The following FBLN7 variants were observed in gnomAD, a reference collection of about 807,000 sequenced individuals.
FBLN7 encodes the protein fibulin 7.
FBLN7 carries 31 observed loss-of-function variants against 44.0 expected under a neutral mutation model. That is an observed-to-expected ratio of 0.70 (90% CI 0.53 to 0.95). The LOEUF is 0.95. Among genes scored for constraint, FBLN7 ranks in the 40% least tolerant of loss-of-function variants. The probability of loss-of-function intolerance (pLI) is 0.00; values close to 1 mark genes in which losing one functional copy is unlikely to be tolerated. For synonymous variants in FBLN7, 262 were observed against 253.4 expected (o/e 1.03, Z -0.32); for missense variants, 573 against 618.5 (o/e 0.93, Z 0.78).
At chr2:112,171,108 C>T (rs1009817829) in intron 3 of FBLN7, among the ~76,000 whole-genome samples, 20 of 152,236 alleles carry the variant, frequency 1.3e-4, no homozygotes, top group African/African-American at 4.8e-4. Flanking sequence ...AATGGCTGTG[C>T]GACAGACACC....
intron 3 of FBLN7, 41 bp from the exon 4 acceptor site, chr2:112,175,673 G>A (rs2104592064): frequency 1.2e-6 from 2 of 1,610,832 alleles, no homozygotes; most frequent in East Asian, 2.2e-5. Flanking sequence ...TTTAGACCTA[G>A]AACTCACATC....
intron 2 of FBLN7, among the ~76,000 whole-genome samples, chr2:112,160,823 A>C (rs7422190): frequency 2.3e-5 from 3 of 132,338 alleles, no homozygotes; most frequent in South Asian, 2.5e-4. Context: ...CGCACACACA[A>C]GCACGCATAC....
chr2:112,209,177 A>C, the FBLN7 span, among the ~76,000 whole-genome samples: 2 of 152,222 alleles, frequency 1.3e-5, no homozygotes, highest in Non-Finnish European at 2.9e-5. Flanking sequence ...TTAACTGCCA[A>C]ATGTCACACA....
intron 1 of FBLN7, among the ~76,000 whole-genome samples, chr2:112,144,744 C>T (rs1680826712): frequency 2.0e-5 from 3 of 152,066 alleles, no homozygotes; most frequent in Admixed American, 2.0e-4. Flanking sequence ...CCAGGATGGT[C>T]TCTATCTCTT....
chr2:112,152,296 C>T (rs927064281), intron 1 of FBLN7: 5 of 152,320 alleles, frequency 3.3e-5, no homozygotes, highest in Non-Finnish European at 7.3e-5. Flanking sequence ...TCATGGGTTC[C>T]TGTGTGAAGT....
At chr2:112,190,959 G>C (rs1683468238), downstream of FBLN7, among the ~76,000 whole-genome samples, 1 of 152,098 alleles carries the variant, frequency 6.6e-6, no homozygotes. Context: ...CAGGACTACT[G>C]TGGGTTTTTT....
chr2:112,229,645 A>G, the FBLN7 span, among the ~76,000 whole-genome samples: 1 of 152,220 alleles, frequency 6.6e-6, no homozygotes, highest in East Asian at 1.9e-4. Context: ...AGGCCAGATG[A>G]GATCAGCCAA....
intron 6 of FBLN7, among the ~76,000 whole-genome samples, chr2:112,184,285 G>C (rs879028373): frequency 6.6e-6 from 1 of 152,298 alleles, no homozygotes; most frequent in South Asian, 2.1e-4. Flanking sequence ...GAGAAGAGAG[G>C]GCAGAGGGCT....
intron 2 of FBLN7, among the ~76,000 whole-genome samples, chr2:112,160,214 T>C (rs1169072513): frequency 1.3e-5 from 2 of 152,214 alleles, no homozygotes; most frequent in South Asian, 4.1e-4. Flanking sequence ...ATGGTCTCGA[T>C]CTCCTGACCT....
Position 112,185,335 on chromosome 2 carries a change from C to G in FBLN7, c.943C>G (p.Pro315Ala). The G allele has an allele frequency of 1.2e-6, 2 of 1,613,074 alleles. No homozygotes were observed. The highest frequency in any genetic ancestry group is 2.7e-5 in the African/African-American group (2 of 75,016). ...SGNVSYVKTSPFQCERNPCPM... is the reference protein window; with the variant it reads ...SGNVSYVKTSAFQCERNPCPM... ...CAATGTGAGCTACGTGAAGACGTCT[C>G]CATTGTGAGTATCTCCAGGGGAGGC... Residue 315 changes from proline to alanine, a missense_variant, in exon 7 of 8, where the codon CCA becomes GCA. Pro to Ala is a conservative substitution (Grantham distance 27). Transcript: ENST00000331203.
intron 3 of FBLN7, among the ~76,000 whole-genome samples, 162 bp from the exon 4 acceptor site, chr2:112,175,552 A>G (rs1388146368): frequency 1.3e-5 from 2 of 152,216 alleles, no homozygotes; most frequent in Non-Finnish European, 2.9e-5. Flanking sequence ...GCCCCCTGGC[A>G]GCTCTTGCGG....
At chr2:112,228,023 GCTTC>G in the FBLN7 span, among the ~76,000 whole-genome samples, 2 of 152,178 alleles carry the variant, frequency 1.3e-5, no homozygotes, top group Non-Finnish European at 1.5e-5. Flanking sequence ...GACAGCTTAC[GCTTC>G]CTTATTTCAA....
intron 4 of FBLN7, chr2:112,176,751 C>G (rs2104593839): frequency 6.6e-6 from 1 of 152,344 alleles, no homozygotes; most frequent in East Asian, 1.9e-4. Flanking sequence ...CAGCTCCTGT[C>G]CCTGGAACTG....
rs1399786837 is a variant in FBLN7, at chr2:112,181,766, A to C, written c.560A>C (p.Asp187Ala). The change falls in exon 5 of 8, where the codon GAC becomes GCC. Residue 187 changes from aspartate (D) to alanine (A), a missense_variant. By Grantham distance (126) the Asp-to-Ala change is moderately radical (BLOSUM62 -2). Coordinates refer to ENST00000331203, the MANE Select transcript of FBLN7 (RefSeq NM_153214.3). ...GCCCCCGAGGGCAGCGTGGCCGGCG[A>C]CTCCGCCTTCAGCCGCGCGCCGCGC... ...TAAPEGSVAG[D>A]SAFSRAPRCA... 7.1e-7 allele frequency: 1 copy of C among 1,416,434 alleles called. No individual in the cohort carries two copies. Among genetic ancestry groups the C allele is most frequent in the African/African-American group, 1.5e-5 (1 of 66,486 alleles). 87.7% of individuals were successfully genotyped at this position (1,416,434 alleles called of 1,614,324 possible). A position where few individuals can be genotyped will look rare whatever the true frequency, so the allele number is the denominator to read the frequency against.
At chr2:112,205,994 T>A in the FBLN7 span, among the ~76,000 whole-genome samples, 1 of 152,152 alleles carries the variant, frequency 6.6e-6, no homozygotes, top group African/African-American at 2.4e-5. Flanking sequence ...AGTGAAAATA[T>A]CTGAACCTGG....
At chr2:112,149,832 TA>T (rs1681066955) in intron 1 of FBLN7, among the ~76,000 whole-genome samples, 1 of 152,154 alleles carries the variant, frequency 6.6e-6, no homozygotes, top group Non-Finnish European at 1.5e-5. Context: ...CTCAAGTAAG[TA>T]AAATGTGTAT....
At chr2:112,167,525 C>T (rs967414230) in intron 3 of FBLN7, among the ~76,000 whole-genome samples, 5 of 152,080 alleles carry the variant, frequency 3.3e-5, no homozygotes, top group East Asian at 1.9e-4. Context: ...AGGGTCCTGC[C>T]GTGTCCTAAC....
At chr2:112,172,400 A>G (rs970773527) in intron 3 of FBLN7, among the ~76,000 whole-genome samples, 8 of 152,256 alleles carry the variant, frequency 5.3e-5, no homozygotes, top group African/African-American at 1.9e-4. Context: ...TGTTAGTTCC[A>G]TTGGATATAA....
At chr2:112,216,019 T>G in the FBLN7 span, 4 of 152,228 alleles carry the variant, frequency 2.6e-5, no homozygotes, top group East Asian at 7.7e-4. Context: ...AAAAATATGT[T>G]GTAAAACTAT....
Sources: gnomAD v4.1 joint callset for allele counts (sites outside exome capture counted in the v4.1 genomes callset) on GRCh38, gnomAD v4.1.1 for gene constraint, MANE v1.5 for transcripts, NCBI Gene and HGNC (gene_info 2026-07-23, HGNC 2026-07-21) for gene names.